Variants in PTGIS observed in about 807,000 individuals in gnomAD.
The protein encoded by PTGIS is prostaglandin I2 synthase.
In PTGIS, 45 loss-of-function variants were observed where a neutral mutation model predicts 50.3. The observed-to-expected ratio is 0.90, with a 90% CI of 0.70 to 1.15. The LOEUF (loss-of-function observed/expected upper bound fraction) is 1.15, where lower values mean the gene tolerates loss of function less well. Among genes scored for constraint, PTGIS ranks in the 50% most tolerant of loss-of-function variants. PTGIS has a pLI of 0.00. For synonymous variants in PTGIS, 260 were observed against 267.7 expected (o/e 0.97, Z 0.28); for missense variants, 668 against 661.3 (o/e 1.01, Z -0.11).
At chr20:49,523,516 C>T (rs1212369062) in intron 6 of PTGIS, among the ~76,000 whole-genome samples, 2 of 151,942 alleles carry the variant, frequency 1.3e-5, no homozygotes, top group East Asian at 3.9e-4. Flanking sequence ...CAAAAAGAAG[C>T]TGGGCGTGGT....
chr20:49,517,947 G>A (rs1435233530), intron 6 of PTGIS, among the ~76,000 whole-genome samples: 2 of 152,212 alleles, frequency 1.3e-5, no homozygotes, highest in African/African-American at 2.4e-5. Context: ...AGTGATCCAC[G>A]CAGAGTGGGG....
Position 49,507,737 on chromosome 20 carries a change from C to T in PTGIS, c.*183G>A. ...GGATAATCCATAGAGCTTTCAATGT[C>T]TTTTCTTTGTTCACCCTCTTAGCTT... On this transcript the variant is annotated 3_prime_UTR_variant, in exon 10 of 10. Transcript: ENST00000244043. The T allele has an allele frequency of 1.2e-6, 1 of 812,254 alleles. No homozygotes were observed. Among genetic ancestry groups the T allele is most frequent in the East Asian group, 2.7e-5 (1 of 37,460 alleles). The allele number at this position is 812,254 out of a possible 1,614,324, so 50.3% of individuals were successfully genotyped here.
At chr20:49,532,599 C>T (rs977086182) in intron 5 of PTGIS, among the ~76,000 whole-genome samples, 40 of 152,254 alleles carry the variant, frequency 2.6e-4, no homozygotes, top group Admixed American at 1.7e-3. Flanking sequence ...TCCTAATAAA[C>T]GCTATATTAT....
chr20:49,550,006 A>C, intron 2 of PTGIS, 60 bp downstream of exon 2: 1 of 1,613,542 alleles, frequency 6.2e-7, no homozygotes, highest in Non-Finnish European at 8.5e-7. Context: ...AATCAACAGA[A>C]ACCAGATATG....
chr20:49,547,804 C>G (rs1166255196), intron 3 of PTGIS, 37 bp downstream of exon 3: 2 of 1,610,858 alleles, frequency 1.2e-6, no homozygotes, highest in Non-Finnish European at 1.7e-6. Context: ...AGTCGCCCAC[C>G]CTGGCCCTCC....
At chr20:49,562,207 A>C (rs1179512135) in intron 1 of PTGIS, among the ~76,000 whole-genome samples, 1 of 152,104 alleles carries the variant, frequency 6.6e-6, no homozygotes, top group Non-Finnish European at 1.5e-5. Flanking sequence ...TTTCACCTCC[A>C]TTTTGCAGAG....
chr20:49,551,405 C>G (rs1474192843), intron 1 of PTGIS, among the ~76,000 whole-genome samples: 1 of 152,150 alleles, frequency 6.6e-6, no homozygotes, highest in South Asian at 2.1e-4. Flanking sequence ...GTCTTCACAA[C>G]CTCTTATTAT....
At position 49,504,912 on chromosome 20, in the gene PTGIS, CAGG is replaced by C. The variant is rs1981102236; in HGVS notation, c.*3005_*3007del. The C allele has an allele frequency of 6.6e-6, 1 of 151,924 alleles. No individual in the cohort carries two copies. The highest frequency in any genetic ancestry group is 2.4e-5 in the African/African-American group (1 of 41,324). 9.4% of individuals were successfully genotyped at this position (151,924 alleles called of 1,614,324 possible). A position where few individuals can be genotyped will look rare whatever the true frequency, so the allele number is the denominator to read the frequency against. On this transcript the variant is annotated 3_prime_UTR_variant, in exon 10 of 10. Transcript: ENST00000244043. ...GGCCGAGGCGGGCAGATCACGAGCT[CAGG>C]AGATCAAGACCATCCTGGCTAATAC... is the stretch of plus-strand genomic sequence containing the variant.
rs1372412758 is a variant in PTGIS, at chr20:49,505,366, G to A, written c.*2554C>T. On this transcript the variant is annotated 3_prime_UTR_variant, in exon 10 of 10. Coordinates refer to ENST00000244043, the MANE Select transcript of PTGIS (RefSeq NM_000961.4). The stretch of plus-strand genomic sequence containing the variant: ...GAGAAAAATAACGATTAAAACAAGG[G>A]CAGGTTTAAATAATCGTCTCCTGAG... 2.0e-5 allele frequency: 3 copies of A among 152,008 alleles called. No homozygotes were observed. Among genetic ancestry groups the A allele is most frequent in the Admixed American group, 6.6e-5 (1 of 15,262 alleles). The allele number at this position is 152,008 out of a possible 1,614,324, so 9.4% of individuals were successfully genotyped here. A position where few individuals can be genotyped will look rare whatever the true frequency, so the allele number is the denominator to read the frequency against.
chr20:49,512,493 A>G (rs1281291803), intron 8 of PTGIS, among the ~76,000 whole-genome samples: 3 of 152,312 alleles, frequency 2.0e-5, no homozygotes, highest in African/African-American at 4.8e-5. Context: ...GAATACATGA[A>G]TAGACAGATG....
chr20:49,520,336 CTT>C (rs57853650), intron 6 of PTGIS, among the ~76,000 whole-genome samples: 6 of 146,234 alleles, frequency 4.1e-5, no homozygotes, highest in African/African-American at 7.5e-5. Flanking sequence ...CCCTCTAATA[CTT>C]TTTTTTTTTT....
intron 8 of PTGIS, 37 bp from the exon 9 acceptor site, chr20:49,511,216 C>T: frequency 2.5e-6 from 4 of 1,611,576 alleles, no homozygotes; most frequent in Non-Finnish European, 3.4e-6. Context: ...GACCCCATTC[C>T]CAGAACAAGC....
rs1434569217 is a variant in PTGIS at position 49,511,192 on chromosome 20, G to C, written c.1207-13C>G. 6.2e-7 allele frequency: 1 copy of C among 1,614,036 alleles called. No homozygotes were observed. The highest frequency in any genetic ancestry group is 8.5e-7 in the Non-Finnish European group (1 of 1,180,026). On this transcript the variant is annotated splice_polypyrimidine_tract_variant and intron_variant, in intron 8 of 9. Coordinates refer to ENST00000244043, the MANE Select transcript of PTGIS (RefSeq NM_000961.4). ...TGTATTTAAATACCTGAAATAGGAA[G>C]AAGGTCCTTTTCTGACCCCATTCCC...
chr20:49,509,081 C>T (rs16994651), intron 9 of PTGIS, among the ~76,000 whole-genome samples: 8,269 of 152,308 alleles, frequency 0.054, 574 homozygotes, highest in African/African-American at 0.16. Context: ...CAGATCTGGG[C>T]TGTGCCGCTT....
rs1264261658 is a variant in PTGIS, at chr20:49,508,037, CA to C, written c.1385del (p.Leu462TrpfsTer5). 6.2e-7 allele frequency: 1 copy of C among 1,613,812 alleles called. No individual in the cohort carries two copies. The highest frequency in any genetic ancestry group is 1.3e-5 in the African/African-American group (1 of 74,926). On this transcript the variant is annotated frameshift_variant, in exon 10 of 10. Coordinates refer to ENST00000244043, the MANE Select transcript of PTGIS (RefSeq NM_000961.4). LOFTEE classifies it high-confidence loss of function. ...KQFVFLVLVH[L>X]DLELINADVE... is the part of the protein sequence containing the mutation. Reference sequence around the variant, plus strand: ...CATCTGCGTTGATCAGCTCCAAGTCCAAGTGCACCAGCACAAGGAACACAAA... The same window carrying C: ...CATCTGCGTTGATCAGCTCCAAGTCCAGTGCACCAGCACAAGGAACACAAA...
At position 49,540,406 on chromosome 20, in the gene PTGIS, T is replaced by C. The variant is rs1447445359; in HGVS notation, c.522-685A>G. ...CTGTGCAAAGGCCCAGAGCTGAGAG[T>C]GCAACCGTGCCTGGTGGGAGAGGTG... On this transcript the variant is annotated intron_variant, in intron 4 of 9. Transcript: ENST00000244043. The surrounding 1 kb of genome is among the most constrained non-coding windows in gnomAD (Gnocchi z 4.8). Among the ~76,000 whole-genome samples, 1 of 151,464 alleles carries C rather than the reference T, an allele frequency of 6.6e-6. No individual in the cohort carries two copies. Among genetic ancestry groups the C allele is most frequent in the Non-Finnish European group, 1.5e-5 (1 of 67,860 alleles).
intron 6 of PTGIS, among the ~76,000 whole-genome samples, chr20:49,519,564 G>A (rs1455410233): frequency 6.6e-6 from 1 of 151,680 alleles, no homozygotes; most frequent in African/African-American, 2.4e-5. Flanking sequence ...ACCCTCGCCT[G>A]CAGTATCTCC....
intron 3 of PTGIS, among the ~76,000 whole-genome samples, chr20:49,545,225 G>C (rs904723618): frequency 1.3e-5 from 2 of 152,164 alleles, no homozygotes; most frequent in Non-Finnish European, 2.9e-5. Flanking sequence ...GGGCAACATA[G>C]TGAGATTCTG....
chr20:49,551,577 T>C (rs1568684068), intron 1 of PTGIS, among the ~76,000 whole-genome samples: 1 of 152,218 alleles, frequency 6.6e-6, no homozygotes, highest in African/African-American at 2.4e-5. Context: ...TGATATCTCC[T>C]GTCTCCCTAA....
Sources: gnomAD v4.1 joint callset for allele counts (sites outside exome capture counted in the v4.1 genomes callset) on GRCh38, gnomAD v4.1.1 for gene constraint, Gnocchi (gnomAD v3.1) non-coding constraint, MANE v1.5 for transcripts, NCBI Gene and HGNC (gene_info 2026-07-23, HGNC 2026-07-21) for gene names.